ENTPD1: variants seen among roughly 807,000 people sequenced by gnomAD.
ENTPD1 encodes ectonucleoside triphosphate diphosphohydrolase 1, also known as ATP diphosphohydrolase.
A neutral mutation model predicts 57.0 loss-of-function variants in ENTPD1; 33 were observed. The observed-to-expected ratio is 0.58, with a 90% CI of 0.44 to 0.77. The LOEUF is 0.77. Ranked by LOEUF, ENTPD1 falls within the 30% of genes least tolerant of loss-of-function variation. The pLI is 0.00. For synonymous variants in ENTPD1, 202 were observed against 218.8 expected (o/e 0.92, Z 0.68); for missense variants, 501 against 603.4 (o/e 0.83, Z 1.78).
At chr10:95,700,372 G>C in the ENTPD1 span, among the ~76,000 whole-genome samples, 55 of 152,194 alleles carry the variant, frequency 3.6e-4, no homozygotes, top group African/African-American at 1.2e-3. Context: ...GAAAATGGAA[G>C]AATTAAATTG....
intron 1 of ENTPD1, among the ~76,000 whole-genome samples, chr10:95,811,154 G>A (rs1050707529): frequency 6.6e-6 from 1 of 152,192 alleles, no homozygotes; most frequent in African/African-American, 2.4e-5. Flanking sequence ...AGGGAGAGAT[G>A]TCAAATTTCC....
chr10:95,760,468 A>C (rs2098052682), intron 1 of ENTPD1, among the ~76,000 whole-genome samples: 1 of 152,224 alleles, frequency 6.6e-6, no homozygotes, highest in African/African-American at 2.4e-5. Context: ...AGAAGTACAG[A>C]GTTTATCCTT....
intron 1 of ENTPD1, among the ~76,000 whole-genome samples, chr10:95,750,413 G>A (rs1352506550): frequency 1.3e-5 from 2 of 152,068 alleles, no homozygotes; most frequent in African/African-American, 2.4e-5. Context: ...TTGTTTAAGA[G>A]TCTGGCACCT....
At chr10:95,752,374 G>C (rs778004097), upstream of ENTPD1, among the ~76,000 whole-genome samples, 1 of 152,072 alleles carries the variant, frequency 6.6e-6, no homozygotes, top group East Asian at 1.9e-4. Flanking sequence ...TTACTATATT[G>C]CTGGGCCCAG....
chr10:95,829,522 A>G (rs2098389608), intron 2 of ENTPD1, among the ~76,000 whole-genome samples: 1 of 152,222 alleles, frequency 6.6e-6, no homozygotes, highest in South Asian at 2.1e-4. Flanking sequence ...GGGCTGGAGT[A>G]AAAAGTTGGC....
chr10:95,732,684 C>T (rs796127886), intron 1 of ENTPD1, among the ~76,000 whole-genome samples: 5 of 151,998 alleles, frequency 3.3e-5, no homozygotes, highest in African/African-American at 9.6e-5. Flanking sequence ...GTTGGTCAGT[C>T]GGAGAAATAA....
chr10:95,840,916 AG>A (rs141101299), intron 3 of ENTPD1, among the ~76,000 whole-genome samples: 6,093 of 152,286 alleles, frequency 0.04, 170 homozygotes, highest in Middle Eastern at 0.12. Flanking sequence ...TAATTTTCAC[AG>A]GTCGTCAAGA....
rs762493730 is a variant in ENTPD1 at position 95,845,447 on chromosome 10, A to G, written c.664A>G (p.Thr222Ala). The G allele has an allele frequency of 1.7e-5, 28 of 1,614,090 alleles. No homozygotes were observed. The highest frequency in any genetic ancestry group is 6.7e-5 in the African/African-American group (5 of 74,926). Residue 222 changes from threonine to alanine, a missense_variant, in exon 6 of 10, where the codon ACT becomes GCT. Transcript: ENST00000371205. ...CCTTGGGGGAGCCTCTACACAAGTC[A>G]CTTTTGTACCCCAAAACCAGACTAT... The part of the protein sequence containing the change: ...LDLGGASTQV[T>A]FVPQNQTIES...
In ENTPD1 at chr10:95,864,801, CCTT is replaced by C. The variant is rs777834824; in HGVS notation, c.1269_1271del (p.Leu424del). On this transcript the variant is annotated inframe_deletion, in exon 9 of 10. Coordinates refer to ENST00000371205, the MANE Select transcript of ENTPD1 (RefSeq NM_001776.6). Reference sequence around the variant, plus strand: ...TTTCTGGTACCTACATTCTCTCCCTCCTTCTGCAAGGCTATCATTTCACAGCTG... The same window carrying C: ...TTTCTGGTACCTACATTCTCTCCCTCCTGCAAGGCTATCATTTCACAGCTG... 1 of 1,614,096 alleles carries C rather than the reference CCTT, an allele frequency of 6.2e-7. No homozygotes were observed. Among genetic ancestry groups the C allele is most frequent in the Non-Finnish European group, 8.5e-7 (1 of 1,180,028 alleles).
upstream of ENTPD1, chr10:95,754,702 G>A (rs3176894): frequency 0.83 from 126,207 of 152,218 alleles, 52,954 homozygotes; most frequent in African/African-American, 0.92. Context: ...AACTGACTCG[G>A]GAGAAGACAT....
chr10:95,767,397 A>C (rs1186846559), intron 1 of ENTPD1, among the ~76,000 whole-genome samples: 1 of 151,550 alleles, frequency 6.6e-6, no homozygotes, highest in Non-Finnish European at 1.5e-5. Context: ...AAGTGAAATT[A>C]GTAATTTTTG....
intron 1 of ENTPD1, among the ~76,000 whole-genome samples, chr10:95,807,419 C>G (rs1226795873): frequency 6.6e-6 from 1 of 152,230 alleles, no homozygotes; most frequent in Non-Finnish European, 1.5e-5. Flanking sequence ...TATGTCACAG[C>G]TTCCCTTGGC....
At chr10:95,719,430 G>C (rs771794721) in intron 1 of ENTPD1, among the ~76,000 whole-genome samples, 2 of 152,120 alleles carry the variant, frequency 1.3e-5, no homozygotes, top group Non-Finnish European at 2.9e-5. Context: ...CTATTTTGCC[G>C]TACCTGGGAA....
At chr10:95,757,714 G>A (rs911294481) in intron 1 of ENTPD1, among the ~76,000 whole-genome samples, 1 of 152,058 alleles carries the variant, frequency 6.6e-6, no homozygotes, top group African/African-American at 2.4e-5. Flanking sequence ...TCAAAAGTCT[G>A]GACTGGGGGG....
chr10:95,737,220 T>TCTAGTGGG (rs11281078), intron 1 of ENTPD1, among the ~76,000 whole-genome samples: 11,081 of 152,086 alleles, frequency 0.073, 436 homozygotes, highest in African/African-American at 0.096. Flanking sequence ...GTGGAGCTCG[T>TCTAGTGGG]CTAGTGGGGG....
chr10:95,787,751 ATTATTTGCATTTTTC>A (rs2098186427), intron 1 of ENTPD1, among the ~76,000 whole-genome samples: 1 of 152,144 alleles, frequency 6.6e-6, no homozygotes, highest in East Asian at 1.9e-4. Context: ...CTTAACCTAT[ATTATTTGCATTTTTC>A]TTATTTGCAA....
chr10:95,717,914 G>A (rs549611969), intron 1 of ENTPD1, among the ~76,000 whole-genome samples: 3 of 152,328 alleles, frequency 2.0e-5, no homozygotes, highest in East Asian at 1.9e-4. Context: ...TTTGAAGAAC[G>A]ATTTGTAATT....
chr10:95,710,825 T>A (rs188685114), upstream of ENTPD1, among the ~76,000 whole-genome samples: 2 of 152,218 alleles, frequency 1.3e-5, no homozygotes, highest in African/African-American at 4.8e-5. Context: ...AGAAACTGTT[T>A]ATTGCTGACT....
chr10:95,804,620 T>G (rs1013224838), intron 1 of ENTPD1, among the ~76,000 whole-genome samples: 3 of 152,234 alleles, frequency 2.0e-5, no homozygotes, highest in Non-Finnish European at 2.9e-5. Context: ...TATACAATCA[T>G]GTCATCTGCA....
Sources: gnomAD v4.1 joint callset for allele counts (sites outside exome capture counted in the v4.1 genomes callset) on GRCh38, gnomAD v4.1.1 for gene constraint, MANE v1.5 for transcripts, NCBI Gene and HGNC (gene_info 2026-07-23, HGNC 2026-07-21) for gene names.